ARHGAP15: variants seen among roughly 807,000 people sequenced by gnomAD.
ARHGAP15 encodes Rho GTPase activating protein 15.
In ARHGAP15, 51 loss-of-function variants were observed where a neutral mutation model predicts 63.7. The ratio of observed to expected loss-of-function variants is 0.80; its 90% confidence interval spans 0.64 to 1.01. The LOEUF is 1.01. Ranked by LOEUF, ARHGAP15 falls within the 50% of genes least tolerant of loss-of-function variation. ARHGAP15 has a pLI of 0.00. For missense variants in ARHGAP15, 560 were observed against 564.6 expected (o/e 0.99, Z 0.08); for synonymous variants, 191 against 193.8 (o/e 0.99, Z 0.12).
rs776577591 is a variant in ARHGAP15 at position 143,768,224 on chromosome 2, T to C, written c.*52T>C. On this transcript the variant is annotated 3_prime_UTR_variant, in exon 14 of 14. Coordinates refer to ENST00000295095, the MANE Select transcript of ARHGAP15 (RefSeq NM_018460.4). ...TCACATCTGTCTTGATGCCTAATAT[T>C]TTTACATTTCTGTAAACATATTTCT... The C allele has an allele frequency of 1.4e-5, 20 of 1,479,508 alleles. No homozygotes were observed. The South Asian group carries it at 2.6e-4, about 19-fold the overall frequency. The allele number at this position is 1,479,508 out of a possible 1,614,324, so 91.6% of individuals were successfully genotyped here.
chr2:143,630,411 A>G (rs185282945), intron 12 of ARHGAP15, among the ~76,000 whole-genome samples: 70 of 152,238 alleles, frequency 4.6e-4, no homozygotes, highest in African/African-American at 1.7e-3. Flanking sequence ...ACAATATTCA[A>G]CAAACAAAAT....
chr2:143,206,506 G>A lies in ARHGAP15; in HGVS notation c.234+4304G>A, dbSNP rs1692335479. On this transcript the variant is annotated intron_variant, in intron 3 of 13. Transcript: ENST00000295095. ...CTCAACTTAGCATTTTCTCTAGGAA[G>A]GATTTCTCTAATTCCTTAAATTTGA... 3.3e-5 allele frequency among the ~76,000 whole-genome samples: 5 copies of A among 151,972 alleles called. No individual in the cohort carries two copies. In the South Asian group the frequency reaches 1.0e-3, roughly 31 times the overall value.
At chr2:143,341,713 A>G (rs1685062799) in intron 6 of ARHGAP15, among the ~76,000 whole-genome samples, 1 of 151,878 alleles carries the variant, frequency 6.6e-6, no homozygotes, top group Non-Finnish European at 1.5e-5. Flanking sequence ...AACATATAGA[A>G]TGTCTCCCAA....
chr2:143,144,909 A>G (rs1689517944), intron 1 of ARHGAP15, among the ~76,000 whole-genome samples: 1 of 152,080 alleles, frequency 6.6e-6, no homozygotes, highest in Admixed American at 6.6e-5. Context: ...TTAAAGAATA[A>G]CTTACATAAA....
intron 10 of ARHGAP15, among the ~76,000 whole-genome samples, chr2:143,535,657 A>G (rs571651446): frequency 4.2e-4 from 64 of 152,284 alleles, no homozygotes; most frequent in African/African-American, 1.5e-3. Context: ...TCTATCTCTC[A>G]TGGCACTTCA....
intron 8 of ARHGAP15, among the ~76,000 whole-genome samples, chr2:143,468,834 G>T (rs1022127945): frequency 2.0e-5 from 3 of 152,056 alleles, no homozygotes; most frequent in African/African-American, 7.2e-5. Context: ...TAAATATATG[G>T]CAATGAAGAA....
At chr2:143,742,761 C>T (rs750884390) in intron 13 of ARHGAP15, among the ~76,000 whole-genome samples, 1 of 152,170 alleles carries the variant, frequency 6.6e-6, no homozygotes, top group Non-Finnish European at 1.5e-5. Context: ...AGAACCTGGC[C>T]CGGAGGCTTG....
At chr2:143,156,732 G>A (rs1183354319) in intron 2 of ARHGAP15, among the ~76,000 whole-genome samples, 1 of 151,904 alleles carries the variant, frequency 6.6e-6, no homozygotes, top group African/African-American at 2.4e-5. Flanking sequence ...GGAAGCCAGT[G>A]ATTATATTTG....
intron 11 of ARHGAP15, among the ~76,000 whole-genome samples, chr2:143,606,521 G>C (rs114492892): frequency 0.011 from 1,738 of 152,194 alleles, 14 homozygotes; most frequent in Admixed American, 0.022. Context: ...TCTGATCTCT[G>C]CGTGCACTCA....
intron 6 of ARHGAP15, among the ~76,000 whole-genome samples, chr2:143,254,944 A>C (rs1250608561): frequency 2.6e-5 from 4 of 152,084 alleles, no homozygotes; most frequent in Admixed American, 2.0e-4. Context: ...TAGGAAGTAA[A>C]GATGAAGAAG....
intron 6 of ARHGAP15, among the ~76,000 whole-genome samples, chr2:143,315,891 C>A (rs1249248846): frequency 7.1e-6 from 1 of 141,432 alleles, no homozygotes; most frequent in Non-Finnish European, 1.5e-5. Context: ...TCAAGATCAG[C>A]CTGGCCAACA....
chr2:143,361,137 A>G (rs1686034236), intron 6 of ARHGAP15, among the ~76,000 whole-genome samples: 1 of 138,326 alleles, frequency 7.2e-6, no homozygotes, highest in South Asian at 2.2e-4. Flanking sequence ...ACTAGGGAGA[A>G]AGTGAGTAGC....
chr2:143,316,524 A>G (rs979336214), intron 6 of ARHGAP15, among the ~76,000 whole-genome samples: 6 of 147,814 alleles, frequency 4.1e-5, no homozygotes, highest in Non-Finnish European at 6.0e-5. Flanking sequence ...ATATATATTA[A>G]AATATATATA....
chr2:143,657,418 CTG>C (rs1419498819), intron 12 of ARHGAP15, among the ~76,000 whole-genome samples: 1 of 152,174 alleles, frequency 6.6e-6, no homozygotes, highest in Admixed American at 6.5e-5. Context: ...CTGAGGCAAA[CTG>C]AATACCACGC....
intron 10 of ARHGAP15, among the ~76,000 whole-genome samples, chr2:143,545,386 A>G (rs1323723404): frequency 6.6e-6 from 1 of 152,196 alleles, no homozygotes; most frequent in Non-Finnish European, 1.5e-5. Context: ...ATCTGCCAAA[A>G]TCTTTCAATT....
chr2:143,666,454 A>G (rs1682192245), intron 12 of ARHGAP15, among the ~76,000 whole-genome samples: 3 of 151,580 alleles, frequency 2.0e-5, no homozygotes, highest in Non-Finnish European at 4.4e-5. Context: ...TAGACCTAAA[A>G]CCATAAAAAC....
chr2:143,727,067 G>T (rs573514159), intron 13 of ARHGAP15, among the ~76,000 whole-genome samples: 13 of 152,194 alleles, frequency 8.5e-5, no homozygotes, highest in Admixed American at 5.9e-4. Context: ...CACTCGGCTT[G>T]CTGGTTCTCA....
intron 6 of ARHGAP15, among the ~76,000 whole-genome samples, chr2:143,257,324 T>C (rs1283562743): frequency 6.6e-6 from 1 of 152,132 alleles, no homozygotes; most frequent in Non-Finnish European, 1.5e-5. Context: ...TGGTCCCCAA[T>C]TAGTGAAGGG....
intron 6 of ARHGAP15, among the ~76,000 whole-genome samples, chr2:143,395,815 GACAGAAACGTAAT>G (rs1687732078): frequency 6.6e-6 from 1 of 152,060 alleles, no homozygotes; most frequent in South Asian, 2.1e-4. Flanking sequence ...CTGTGAGGTA[GACAGAAACGTAAT>G]ACAGGTCCCT....
Sources: gnomAD v4.1 joint callset for allele counts (sites outside exome capture counted in the v4.1 genomes callset) on GRCh38, gnomAD v4.1.1 for gene constraint, MANE v1.5 for transcripts, NCBI Gene and HGNC (gene_info 2026-07-23, HGNC 2026-07-21) for gene names.